Variants in TNRC6B observed in about 807,000 individuals in gnomAD.
The protein encoded by TNRC6B is trinucleotide repeat containing adaptor 6B.
TNRC6B carries 52 observed loss-of-function variants against 203.6 expected under a neutral mutation model. The ratio of observed to expected loss-of-function variants is 0.26; its 90% CI spans 0.20 to 0.32. The LOEUF is 0.32. TNRC6B is among the 10% of genes least tolerant of loss of function. The probability of loss-of-function intolerance (pLI) is 1.00; values close to 1 mark genes in which losing one functional copy is unlikely to be tolerated. For missense variants in TNRC6B, 1,923 were observed against 2,286.2 expected (o/e 0.84, Z 3.24); for synonymous variants, 838 against 845.7 (o/e 0.99, Z 0.16).
intron 15 of TNRC6B, 39 bp from the exon 16 acceptor site, chr22:40,308,473 A>T: frequency 6.2e-7 from 1 of 1,613,260 alleles, no homozygotes; most frequent in Non-Finnish European, 8.5e-7. Flanking sequence ...CTTGATACTG[A>T]TGCTGGAGAC....
chr22:40,251,560 A>C (rs190296042), intron 3 of TNRC6B, among the ~76,000 whole-genome samples: 2 of 152,238 alleles, frequency 1.3e-5, no homozygotes, highest in Non-Finnish European at 2.9e-5. Context: ...TCTCTACTAA[A>C]AATAAAAAAT....
Position 40,267,014 on chromosome 22 carries a change from A to G in TNRC6B, c.2784A>G (p.Pro928=), listed in dbSNP as rs2070491725. The G allele has an allele frequency of 6.2e-7, 1 of 1,603,070 alleles. No homozygotes were observed. Among genetic ancestry groups the G allele is most frequent in the Non-Finnish European group, 8.5e-7 (1 of 1,174,300 alleles). Residue 928 remains proline, a synonymous_variant, in exon 5 of 23, where the codon CCA becomes CCG. Transcript: ENST00000454349. ...CTCGAGAACCAAACCTGCCCACCCC[A>G]ATGACCAGTAAATCGGCATCAGGTA... ...PAPREPNLPT[P]MTSKSASVWS... is the part of the protein sequence containing the mutation.
At chr22:40,161,796 T>C (rs1199971405) in intron 4 of TNRC6B, among the ~76,000 whole-genome samples, 1 of 152,228 alleles carries the variant, frequency 6.6e-6, no homozygotes, top group African/African-American at 2.4e-5. Flanking sequence ...TTCTGGGATA[T>C]TGTCTTTGAG....
intron 22 of TNRC6B, 120 bp from the exon 23 acceptor site, chr22:40,322,734 T>C: frequency 8.2e-7 from 1 of 1,212,332 alleles, no homozygotes; most frequent in African/African-American, 1.5e-5. Context: ...AAAGCGTTCA[T>C]GGATATGGCA....
Position 40,207,858 on chromosome 22 carries a change from A to G in TNRC6B, c.5+29718A>G, listed in dbSNP as rs1297039139. On this transcript the variant is annotated intron_variant, in intron 1 of 22. Transcript: ENST00000454349. ...CCAGGAGCAGTAGCTCACACCTGTA[A>G]TCCCAGCACTTTGGGAGGCTGAGGT... is the stretch of plus-strand genomic sequence containing the variant. Among the ~76,000 whole-genome samples, 5 of 152,224 alleles carry G rather than the reference A, an allele frequency of 3.3e-5. No individual in the cohort carries two copies. In the South Asian group the frequency reaches 8.3e-4, roughly 25 times the overall value.
intron 3 of TNRC6B, among the ~76,000 whole-genome samples, chr22:40,146,593 G>C (rs1012502602): frequency 6.3e-5 from 8 of 126,096 alleles, no homozygotes; most frequent in African/African-American, 9.6e-5. Flanking sequence ...TTGAGATGGA[G>C]TCTCGCTCTG....
At chr22:40,255,357 C>G (rs1048629262) in intron 3 of TNRC6B, among the ~76,000 whole-genome samples, 1 of 152,188 alleles carries the variant, frequency 6.6e-6, no homozygotes, top group Non-Finnish European at 1.5e-5. Flanking sequence ...CATCGCAGGA[C>G]GTTGGCTACC....
intron 15 of TNRC6B, among the ~76,000 whole-genome samples, chr22:40,304,967 A>G (rs1177731400): frequency 6.6e-6 from 1 of 152,156 alleles, no homozygotes; most frequent in South Asian, 2.1e-4. Context: ...AATTATAGAA[A>G]CTAGTTTGTT....
intron 1 of TNRC6B, among the ~76,000 whole-genome samples, chr22:40,045,782 T>C (rs2067682700): frequency 6.6e-6 from 1 of 152,202 alleles, no homozygotes; most frequent in Middle Eastern, 3.2e-3. Flanking sequence ...AGACACGCTG[T>C]AGTGGTTAAA....
intron 1 of TNRC6B, among the ~76,000 whole-genome samples, chr22:40,098,317 G>A (rs968898890): frequency 2.0e-5 from 3 of 149,554 alleles, no homozygotes; most frequent in East Asian, 1.9e-4. Context: ...ACCTGGAAGC[G>A]GAGGTTGCAG....
chr22:40,145,067 CA>C (rs768152120), intron 3 of TNRC6B, among the ~76,000 whole-genome samples: 24,607 of 96,208 alleles, frequency 0.26, 2,181 homozygotes, highest in Admixed American at 0.38. Context: ...TCTAGCTCCA[CA>C]AAAAAAAAAA....
intron 4 of TNRC6B, among the ~76,000 whole-genome samples, chr22:40,166,531 G>A (rs376620369): frequency 7.9e-5 from 12 of 151,620 alleles, no homozygotes; most frequent in African/African-American, 2.9e-4. Flanking sequence ...TAGCATGGTA[G>A]ACCAAAATAT....
chr22:40,157,958 C>T (rs1289744740), intron 4 of TNRC6B, among the ~76,000 whole-genome samples: 1 of 152,194 alleles, frequency 6.6e-6, no homozygotes, highest in East Asian at 1.9e-4. Flanking sequence ...CCGACTCTCT[C>T]ACACCCTTTG....
At position 40,326,732 on chromosome 22, in the gene TNRC6B, GAGTT is replaced by G. The variant is rs1003304666; in HGVS notation, c.*3494_*3497del. The G allele has an allele frequency of 1.4e-4, 22 of 152,562 alleles. No individual in the cohort carries two copies. Among genetic ancestry groups the G allele is most frequent in the African/African-American group, 4.6e-4 (19 of 41,414 alleles). The allele number at this position is 152,562 out of a possible 1,614,324, so 9.5% of individuals were successfully genotyped here. On this transcript the variant is annotated 3_prime_UTR_variant, in exon 23 of 23. Coordinates refer to ENST00000454349, the MANE Select transcript of TNRC6B (RefSeq NM_001162501.2). ...TTGGATTGCTGAGAATCTATGTAAA[GAGTT>G]AGGAAATATAGGTTAATAATTTTTG...
rs568183625 is a variant in TNRC6B at position 40,301,115 on chromosome 22, G to A, written c.3937-35G>A. The A allele has an allele frequency of 1.4e-5, 21 of 1,553,380 alleles. No individual in the cohort carries two copies. In the East Asian group the frequency reaches 2.4e-4, roughly 18 times the overall value. ...GTCTTTTCCTGGGAAGTTCGGGGCC[G>A]TGCTTATCACGTGTCTGTCTCTCTT... On this transcript the variant is annotated intron_variant, in intron 14 of 22. Transcript: ENST00000454349.
intron 1 of TNRC6B, among the ~76,000 whole-genome samples, chr22:40,113,470 T>C (rs936327493): frequency 6.6e-6 from 1 of 152,154 alleles, no homozygotes; most frequent in Admixed American, 6.5e-5. Context: ...TCCTCCCACC[T>C]CAGCCTCCTG....
At chr22:40,201,253 T>TA (rs1269739214) in intron 1 of TNRC6B, among the ~76,000 whole-genome samples, 2 of 152,156 alleles carry the variant, frequency 1.3e-5, no homozygotes, top group African/African-American at 4.8e-5. Flanking sequence ...GTGGCTTTGT[T>TA]AGAGTGCTGT....
chr22:40,192,018 C>G (rs928998698), intron 1 of TNRC6B, among the ~76,000 whole-genome samples: 5 of 152,146 alleles, frequency 3.3e-5, no homozygotes, highest in African/African-American at 1.2e-4. Context: ...CGTGAGCCAC[C>G]GCGCCCAGCC....
chr22:40,154,586 A>G (rs973290903), intron 3 of TNRC6B, among the ~76,000 whole-genome samples: 7 of 151,460 alleles, frequency 4.6e-5, no homozygotes, highest in African/African-American at 1.7e-4. Context: ...CACGCCTGTA[A>G]TCCTAGCACT....
Sources: allele counts gnomAD v4.1 joint callset (sites outside exome capture counted in the v4.1 genomes callset), GRCh38; gene constraint gnomAD v4.1.1; transcripts MANE v1.5; gene names NCBI Gene and HGNC (gene_info 2026-07-23, HGNC 2026-07-21).